The following BCAS2 variants were observed in gnomAD, a reference collection of about 807,000 sequenced individuals.
BCAS2 encodes the protein BCAS2 pre-mRNA processing factor.
In BCAS2, 34 loss-of-function variants were observed where a neutral mutation model predicts 35.3. That is an observed-to-expected ratio of 0.96 (90% CI 0.73 to 1.28). The LOEUF (loss-of-function observed/expected upper bound fraction) is 1.28. Among genes scored for constraint, BCAS2 ranks in the 50% most tolerant of loss-of-function variants. BCAS2 has a pLI of 0.00. For missense variants in BCAS2, 221 were observed against 268.1 expected (o/e 0.82, Z 1.23); for synonymous variants, 75 against 91.6 (o/e 0.82, Z 1.03).
chr1:114,575,463 G>T, intron 4 of BCAS2, 127 bp downstream of exon 4: 1 of 916,590 alleles, frequency 1.1e-6, no homozygotes, highest in Non-Finnish European at 1.5e-6. Context: ...CCAAAGGGCT[G>T]GGATTACTGG....
At chr1:114,572,692 A>G (rs746190131) in intron 4 of BCAS2, among the ~76,000 whole-genome samples, 3 of 152,242 alleles carry the variant, frequency 2.0e-5, no homozygotes, top group Non-Finnish European at 4.4e-5. Context: ...ATTTGGGTAT[A>G]ACAGGTAAAG....
chr1:114,573,840 T>G (rs938361314), intron 4 of BCAS2, among the ~76,000 whole-genome samples: 17 of 152,228 alleles, frequency 1.1e-4, no homozygotes, highest in African/African-American at 4.1e-4. Context: ...CACTGGATCA[T>G]TTTTATGTGG....
intron 6 of BCAS2, 33 bp from the exon 7 acceptor site, chr1:114,568,289 C>T (rs1215164494): frequency 1.2e-6 from 2 of 1,604,490 alleles, no homozygotes; most frequent in Non-Finnish European, 1.7e-6. Flanking sequence ...AAAAAAATTA[C>T]TCAATGTAAA....
In BCAS2 at chr1:114,576,740, C is replaced by A; in HGVS notation, c.205G>T (p.Glu69Ter). ...TGTCGAGCAGCCAGTCTTTCAAATT[C>A]ATTTCTCATTATGTCAGTCTGATGT... ...SAFETDIMRN[E>*]FERLAARQPI... is the part of the protein sequence containing the mutation. The change falls in exon 3 of 7, where the codon GAA becomes TAA. Residue 69 changes from glutamate to a stop codon, truncating the protein, a stop_gained. Transcript: ENST00000369541. LOFTEE classifies it high-confidence loss of function. The A allele has an allele frequency of 6.2e-7, 1 of 1,610,120 alleles. No individual in the cohort carries two copies.
At chr1:114,574,311 T>C (rs1654710000) in intron 4 of BCAS2, among the ~76,000 whole-genome samples, 1 of 152,228 alleles carries the variant, frequency 6.6e-6, no homozygotes, top group Admixed American at 6.5e-5. Context: ...AGGAGGTGCT[T>C]TGCCTTCTTG....
intron 2 of BCAS2, among the ~76,000 whole-genome samples, chr1:114,579,820 G>A (rs897669776): frequency 3.9e-5 from 6 of 152,020 alleles, no homozygotes; most frequent in African/African-American, 1.4e-4. Context: ...GAGCAGAGAT[G>A]GCACCACTGC....
intron 1 of BCAS2, 23 bp from the exon 2 acceptor site, chr1:114,581,414 G>A (rs747868795): frequency 6.2e-6 from 10 of 1,614,072 alleles, no homozygotes; most frequent in Admixed American, 3.3e-5. Flanking sequence ...ATAGGGACCA[G>A]GGTAGAAGTG....
At position 114,568,105 on chromosome 1, in the gene BCAS2, T is replaced by C. The variant is rs766315306; in HGVS notation, c.*25A>G. ...GATGCCTTTTGTGAAAGCCCAACTTTTCTTCTACCTGCTAAATTGTCTTTT... is the reference window on the plus strand; with the variant it reads ...GATGCCTTTTGTGAAAGCCCAACTTCTCTTCTACCTGCTAAATTGTCTTTT... On this transcript the variant is annotated 3_prime_UTR_variant, in exon 7 of 7. Transcript: ENST00000369541. 8 of 1,611,308 alleles carry C rather than the reference T, an allele frequency of 5.0e-6. No individual in the cohort carries two copies. The highest frequency in any genetic ancestry group is 1.7e-5 in the Admixed American group (1 of 59,788).
At chr1:114,574,896 G>A (rs1468755694) in intron 4 of BCAS2, among the ~76,000 whole-genome samples, 2 of 152,074 alleles carry the variant, frequency 1.3e-5, no homozygotes, top group Admixed American at 1.3e-4. Context: ...TTGAGATGGA[G>A]TCTCGCTCTG....
At chr1:114,580,557 A>T (rs997723830) in intron 2 of BCAS2, among the ~76,000 whole-genome samples, 2 of 152,180 alleles carry the variant, frequency 1.3e-5, no homozygotes, top group Non-Finnish European at 2.9e-5. Flanking sequence ...TACTATTGTA[A>T]ACTTTTTGTT....
intron 4 of BCAS2, 53 bp downstream of exon 4, chr1:114,575,537 G>A: frequency 6.6e-7 from 1 of 1,522,516 alleles, no homozygotes; most frequent in Non-Finnish European, 8.9e-7. Context: ...GGGTGAGATG[G>A]AAAGAAAAGA....
At chr1:114,572,217 A>C (rs1654663137) in intron 4 of BCAS2, among the ~76,000 whole-genome samples, 1 of 152,136 alleles carries the variant, frequency 6.6e-6, no homozygotes, top group African/African-American at 2.4e-5. Flanking sequence ...TCCTTGCATT[A>C]GCTGCAATTC....
At chr1:114,580,616 C>T (rs1482366354) in intron 2 of BCAS2, among the ~76,000 whole-genome samples, 2 of 151,758 alleles carry the variant, frequency 1.3e-5, no homozygotes, top group Admixed American at 6.6e-5. Flanking sequence ...ATTCAGAAAC[C>T]CTATCTTTTT....
intron 3 of BCAS2, 150 bp from the exon 4 acceptor site, chr1:114,575,901 T>G (rs950205825): frequency 1.3e-6 from 1 of 793,938 alleles, no homozygotes; most frequent in Non-Finnish European, 1.9e-6. Flanking sequence ...AACCGATATA[T>G]GCTAACAATC....
Position 114,570,032 on chromosome 1 carries a change from G to C in BCAS2, c.511C>G (p.Gln171Glu). ...QDLNWQRKNM[Q>E]LTAGSKLREM... The stretch of plus-strand genomic sequence containing the variant: ...CTCAATTTAGATCCAGCTGTGAGTT[G>C]CATGTTCTTTCTCTGCCAGTTTAAA... Residue 171 changes from glutamine (Q) to glutamate (E), a missense_variant, in exon 6 of 7, where the codon CAA becomes GAA. Gln to Glu is a conservative substitution (Grantham distance 29). Transcript: ENST00000369541. 1.2e-6 allele frequency: 2 copies of C among 1,611,738 alleles called. No individual in the cohort carries two copies. Among genetic ancestry groups the C allele is most frequent in the Non-Finnish European group, 1.7e-6 (2 of 1,178,048 alleles).
intron 4 of BCAS2, among the ~76,000 whole-genome samples, chr1:114,571,895 T>C (rs753559264): frequency 1.3e-5 from 2 of 152,214 alleles, no homozygotes; most frequent in East Asian, 1.9e-4. Flanking sequence ...AAAAAATAGA[T>C]ACCAGTCCAG....
At chr1:114,576,237 C>T (rs1171345120) in intron 3 of BCAS2, among the ~76,000 whole-genome samples, 1 of 145,746 alleles carries the variant, frequency 6.9e-6, no homozygotes, top group African/African-American at 2.5e-5. Flanking sequence ...CTCTCTCTCT[C>T]TCTCTCTCTC....
At chr1:114,571,499 G>A (rs900333045) in intron 4 of BCAS2, among the ~76,000 whole-genome samples, 35 of 151,948 alleles carry the variant, frequency 2.3e-4, no homozygotes, top group African/African-American at 8.5e-4. Flanking sequence ...TTGGATTACA[G>A]GCATAAGCCA....
intron 4 of BCAS2, among the ~76,000 whole-genome samples, chr1:114,573,349 CT>C (rs68165289): frequency 0.066 from 9,990 of 150,602 alleles, 542 homozygotes; most frequent in African/African-American, 0.14. Flanking sequence ...CTTTTTTTTT[CT>C]TTTTTTTGAA....
Sources: gnomAD v4.1 joint callset for allele counts (sites outside exome capture counted in the v4.1 genomes callset) on GRCh38, gnomAD v4.1.1 for gene constraint, MANE v1.5 for transcripts, NCBI Gene and HGNC (gene_info 2026-07-23, HGNC 2026-07-21) for gene names.